Variants in KIAA1586 observed in about 807,000 individuals in gnomAD.
KIAA1586 encodes the protein E3 SUMO-protein ligase KIAA1586.
KIAA1586 carries 5 observed loss-of-function variants against 6.1 expected under a neutral mutation model. The ratio of observed to expected loss-of-function variants is 0.82; its 90% CI spans 0.43 to 1.73. The LOEUF (loss-of-function observed/expected upper bound fraction) is 1.73. Ranked by LOEUF, KIAA1586 falls within the 40% of genes most tolerant of loss-of-function variation. KIAA1586 has a pLI of 0.02. For synonymous variants in KIAA1586, 280 were observed against 301.7 expected (o/e 0.93, Z 0.75); for missense variants, 899 against 878.2 (o/e 1.02, Z -0.30).
chr6:57,054,558 C>A lies in KIAA1586; in HGVS notation c.2059C>A (p.Pro687Thr). The A allele has an allele frequency of 6.2e-7, 1 of 1,606,316 alleles. No homozygotes were observed. Among genetic ancestry groups the A allele is most frequent in the South Asian group, 1.1e-5 (1 of 89,978 alleles). The change falls in exon 4 of 4, where the codon CCT becomes ACT. Residue 687 changes from proline to threonine, a missense_variant. Transcript: ENST00000370733. ...TATAAAATCAAACAATGTTTCAATT[C>A]CTACAACTATATACAAAGCTAAAAA... ...NNIKSNNVSI[P>T]TTIYKAKKIV...
chr6:57,046,864 C>G, intron 1 of KIAA1586, 88 bp downstream of exon 1: 1 of 1,530,196 alleles, frequency 6.5e-7, no homozygotes, highest in South Asian at 1.2e-5. Flanking sequence ...GGTGCTCCGT[C>G]GCAGCCTCGG....
downstream of KIAA1586, among the ~76,000 whole-genome samples, chr6:57,057,025 G>A (rs1167896895): frequency 6.6e-6 from 1 of 151,682 alleles, no homozygotes. Context: ...TTAGGAGATC[G>A]AAACCATCCT....
downstream of KIAA1586, among the ~76,000 whole-genome samples, chr6:57,059,975 A>G (rs1828544584): frequency 6.6e-6 from 1 of 152,184 alleles, no homozygotes; most frequent in South Asian, 2.1e-4. Context: ...AGAGTAATAT[A>G]ATAACTTTCT....
chr6:57,057,414 G>A (rs531293388), downstream of KIAA1586, among the ~76,000 whole-genome samples: 1 of 152,188 alleles, frequency 6.6e-6, no homozygotes, highest in Admixed American at 6.5e-5. Flanking sequence ...GAGTCTCATA[G>A]GACTTAAAAA....
chr6:57,053,993 A>G lies in KIAA1586; in HGVS notation c.1494A>G (p.Ala498=), dbSNP rs763121707. The change falls in exon 4 of 4, where the codon GCA becomes GCG. Residue 498 remains alanine (A), a synonymous_variant. Transcript: ENST00000370733. ...SLQAATAVWH[A]YPILYMHFSH... is the part of the protein sequence containing the mutation. ...AAGCTGCTACTGCTGTATGGCATGC[A>G]TATCCTATATTATATATGCATTTTT... The G allele has an allele frequency of 3.5e-5, 56 of 1,604,554 alleles. 1 individual carries two copies. The highest frequency in any genetic ancestry group is 4.7e-5 in the Non-Finnish European group (55 of 1,176,506).
In KIAA1586 at chr6:57,054,606, A is replaced by G. The variant is rs1186887315; in HGVS notation, c.2107A>G (p.Asn703Asp). Reference protein sequence around the residue: ...AKKIVSTIAINSAEAERGFNL... With the variant: ...AKKIVSTIAIDSAEAERGFNL... ...AAAGATAGTTAGCACCATTGCAATC[A>G]ATAGTGCTGAAGCTGAAAGGGGTTT... Residue 703 changes from asparagine to aspartate, a missense_variant, in exon 4 of 4, where the codon AAT (asparagine) becomes GAT (aspartate). Transcript: ENST00000370733. 1 of 1,603,450 alleles carries G rather than the reference A, an allele frequency of 6.2e-7. No individual in the cohort carries two copies. The highest frequency in any genetic ancestry group is 8.5e-7 in the Non-Finnish European group (1 of 1,173,308).
At position 57,051,216 on chromosome 6, in the gene KIAA1586, A is replaced by T. The variant is rs1046017899; in HGVS notation, c.186+362A>T. 8.7e-5 allele frequency among the ~76,000 whole-genome samples: 13 copies of T among 150,182 alleles called. No individual in the cohort carries two copies. In the South Asian group the frequency reaches 1.5e-3, roughly 17 times the overall value. Reference sequence around the variant, plus strand: ...CATTGTGCTCTACCCTGGGCAACAGAGCAAGACTCCTTCTCAAAAAAAAAA... The same window carrying T: ...CATTGTGCTCTACCCTGGGCAACAGTGCAAGACTCCTTCTCAAAAAAAAAA... On this transcript the variant is annotated intron_variant, in intron 3 of 3. Coordinates refer to ENST00000370733, the MANE Select transcript of KIAA1586 (RefSeq NM_020931.4).
At chr6:57,051,957 G>A (rs962467848) in intron 3 of KIAA1586, among the ~76,000 whole-genome samples, 3 of 152,172 alleles carry the variant, frequency 2.0e-5, no homozygotes, top group Non-Finnish European at 4.4e-5. Flanking sequence ...TTGGGTGACA[G>A]AGCGAGACTC....
chr6:57,063,703 C>T, the KIAA1586 span, among the ~76,000 whole-genome samples: 4 of 152,110 alleles, frequency 2.6e-5, no homozygotes, highest in African/African-American at 4.8e-5. Flanking sequence ...ATCTGCCCGC[C>T]TCAGCCTCCC....
In KIAA1586 at chr6:57,053,092, C is replaced by T; in HGVS notation, c.593C>T (p.Thr198Ile). Residue 198 changes from threonine to isoleucine, a missense_variant, in exon 4 of 4, where the codon ACT (threonine) becomes ATT (isoleucine). By Grantham distance (89) the Thr-to-Ile change is moderately conservative. Coordinates refer to ENST00000370733, the MANE Select transcript of KIAA1586 (RefSeq NM_020931.4). The part of the protein sequence containing the change: ...LVTPNGSNKT[T>I]RQASLRKKIR... ...ACCCCTAATGGCAGTAATAAAACTA[C>T]TAGGCAAGCTTCTCTACGAAAAAAA... The T allele has an allele frequency of 6.2e-7, 1 of 1,610,030 alleles. No homozygotes were observed. Among genetic ancestry groups the T allele is most frequent in the Non-Finnish European group, 8.5e-7 (1 of 1,178,860 alleles).
rs1375052778 is a variant in KIAA1586 at position 57,053,874 on chromosome 6, A to G, written c.1375A>G (p.Thr459Ala). The G allele has an allele frequency of 6.4e-7, 1 of 1,569,534 alleles. No homozygotes were observed. The highest frequency in any genetic ancestry group is 8.6e-7 in the Non-Finnish European group (1 of 1,159,492). Reference protein sequence around the residue: ...SIYHQPNKNQTKLLGTVAKEL... With the variant: ...SIYHQPNKNQAKLLGTVAKEL... ...TTATCATCAACCTAATAAAAATCAAACCAAGCTTCTAGGAACTGTAGCTAA... is the reference window on the plus strand; with the variant it reads ...TTATCATCAACCTAATAAAAATCAAGCCAAGCTTCTAGGAACTGTAGCTAA... Residue 459 changes from threonine to alanine, a missense_variant, in exon 4 of 4, where the codon ACC (threonine) becomes GCC (alanine). Coordinates refer to ENST00000370733, the MANE Select transcript of KIAA1586 (RefSeq NM_020931.4).
At chr6:57,049,028 A>C (rs1266206357) in intron 2 of KIAA1586, among the ~76,000 whole-genome samples, 1 of 151,630 alleles carries the variant, frequency 6.6e-6, no homozygotes, top group African/African-American at 2.4e-5. Context: ...ACATCTTTTC[A>C]TACAATATTT....
At chr6:57,057,766 A>G (rs1828519257), downstream of KIAA1586, among the ~76,000 whole-genome samples, 1 of 152,094 alleles carries the variant, frequency 6.6e-6, no homozygotes. Context: ...AAAAACAAAA[A>G]ACAAATTTAT....
At chr6:57,057,203 G>A (rs1828512052), downstream of KIAA1586, among the ~76,000 whole-genome samples, 1 of 151,700 alleles carries the variant, frequency 6.6e-6, no homozygotes, top group South Asian at 2.1e-4. Flanking sequence ...ACTCCAGCCT[G>A]GGCGACAGAG....
Position 57,053,422 on chromosome 6 carries a change from T to G in KIAA1586, c.923T>G (p.Ile308Arg). The G allele has an allele frequency of 6.2e-7, 1 of 1,609,996 alleles. No individual in the cohort carries two copies. The highest frequency in any genetic ancestry group is 8.5e-7 in the Non-Finnish European group (1 of 1,177,898). ...EMKMKIFKNI[I>R]EENAKICIII... ...AAGATGAAGATATTTAAGAATATTA[T>G]AGAAGAGAATGCCAAAATCTGTATC... is the stretch of plus-strand genomic sequence containing the variant. The change falls in exon 4 of 4, where the codon ATA becomes AGA. Residue 308 changes from isoleucine (I) to arginine (R), a missense_variant. Ile to Arg is a moderately conservative substitution (Grantham distance 97). Transcript: ENST00000370733.
intron 2 of KIAA1586, among the ~76,000 whole-genome samples, chr6:57,048,892 T>C (rs1828251945): frequency 6.6e-6 from 1 of 152,196 alleles, no homozygotes; most frequent in Non-Finnish European, 1.5e-5. Flanking sequence ...TAAATAGGTA[T>C]AGATTTGTGT....
intron 1 of KIAA1586, 46 bp downstream of exon 1, chr6:57,046,822 G>A (rs1416812927): frequency 1.2e-6 from 2 of 1,601,602 alleles, no homozygotes; most frequent in Admixed American, 1.7e-5. Flanking sequence ...GGCGAACCGC[G>A]AAGGGTTTGT....
chr6:57,050,245 TG>T (rs143015620), intron 2 of KIAA1586, among the ~76,000 whole-genome samples: 1,804 of 147,964 alleles, frequency 0.012, 40 homozygotes, highest in African/African-American at 0.043. Context: ...GTCATTATTA[TG>T]TTTTTTTTTT....
At position 57,052,045 on chromosome 6, in the gene KIAA1586, C is replaced by A. The variant is rs557109478; in HGVS notation, c.187-641C>A. On this transcript the variant is annotated intron_variant, in intron 3 of 3. Coordinates refer to ENST00000370733, the MANE Select transcript of KIAA1586 (RefSeq NM_020931.4). ...TGATGTCATTGATGAATGAGCGAAACTCTAATATATGTCTTTATTGTTTCA... is the reference window on the plus strand; with the variant it reads ...TGATGTCATTGATGAATGAGCGAAAATCTAATATATGTCTTTATTGTTTCA... Among the ~76,000 whole-genome samples, 88 of 152,270 alleles carry A rather than the reference C, an allele frequency of 5.8e-4. 1 individual carries two copies. The East Asian group carries it at 0.011, about 20-fold the overall frequency.
Sources: gnomAD v4.1 joint callset for allele counts (sites outside exome capture counted in the v4.1 genomes callset) on GRCh38, gnomAD v4.1.1 for gene constraint, MANE v1.5 for transcripts, NCBI Gene and HGNC (gene_info 2026-07-23, HGNC 2026-07-21) for gene names.